The following MSN variants were observed in gnomAD, a reference collection of about 807,000 sequenced individuals.
MSN encodes moesin.
Under a neutral mutation model 48.0 loss-of-function variants are expected in MSN, and 2 were observed. The ratio of observed to expected loss-of-function variants is 0.04; its 90% CI spans 0.02 to 0.13. MSN has a LOEUF of 0.13. Among genes scored for constraint, MSN ranks in the 10% least tolerant of loss-of-function variants. The pLI is 1.00. For synonymous variants in MSN, 146 were observed against 166.9 expected, an observed-to-expected ratio of 0.87 and a Z score of 0.97; for missense variants, 267 against 470.1, an observed-to-expected ratio of 0.57 and a Z score of 3.99.
chrX:65,589,895 C>T (rs1479525810), intron 1 of MSN: 3 of 105,163 alleles, frequency 2.9e-5, no homozygotes, highest in Admixed American at 1.0e-4. Flanking sequence ...GATGGAATTT[C>T]GCTCTTGTTG....
chrX:65,712,064 G>A (rs1395250518), intron 1 of MSN, among the ~76,000 whole-genome samples: 2 of 111,151 alleles, frequency 1.8e-5, no homozygotes, highest in Non-Finnish European at 3.8e-5. Flanking sequence ...GGTGATTTGA[G>A]GCTGGATATA....
chrX:65,674,326 A>C (rs2070974476), intron 1 of MSN, among the ~76,000 whole-genome samples: 1 of 111,410 alleles, frequency 9.0e-6, no homozygotes, highest in Admixed American at 9.5e-5. Context: ...TGAAAGGAGA[A>C]CTTGGATTTC....
chrX:65,614,273 G>A (rs1470842450), intron 1 of MSN, among the ~76,000 whole-genome samples: 2 of 111,794 alleles, frequency 1.8e-5, no homozygotes, highest in Non-Finnish European at 3.8e-5. Flanking sequence ...GGTTACTGTA[G>A]CCTGGTATTA....
intron 1 of MSN, among the ~76,000 whole-genome samples, chrX:65,654,201 G>A (rs2070764873): frequency 9.4e-6 from 1 of 106,051 alleles, no homozygotes; most frequent in African/African-American, 3.5e-5. Flanking sequence ...CGCCTCCCGG[G>A]CTCACACCAT....
intron 1 of MSN, among the ~76,000 whole-genome samples, chrX:65,633,517 A>G (rs1029102218): frequency 8.9e-6 from 1 of 112,311 alleles, no homozygotes; most frequent in African/African-American, 3.2e-5. Flanking sequence ...TCTTTAATTC[A>G]CTGCCCCAGT....
chrX:65,721,556 C>T (rs1273114856), intron 2 of MSN, among the ~76,000 whole-genome samples: 1 of 104,346 alleles, frequency 9.6e-6, no homozygotes, highest in Non-Finnish European at 2.0e-5. Flanking sequence ...GACAGTAAAC[C>T]TTTTTTTTTT....
chrX:65,612,434 T>C (rs2070328052), intron 1 of MSN, among the ~76,000 whole-genome samples: 1 of 111,910 alleles, frequency 8.9e-6, no homozygotes, highest in African/African-American at 3.2e-5. Context: ...AGGTTATTCA[T>C]CTTTTTGTTG....
At chrX:65,736,645 C>A (rs1326782667) in intron 8 of MSN, 150 bp from the exon 9 acceptor site, 4 of 564,312 alleles carry the variant, frequency 7.1e-6, no homozygotes, top group Non-Finnish European at 1.1e-5. Flanking sequence ...ACTGTGTTAG[C>A]CAGGATGGTC....
intron 1 of MSN, among the ~76,000 whole-genome samples, chrX:65,614,387 G>A (rs765520978): frequency 5.4e-5 from 6 of 110,262 alleles, no homozygotes; most frequent in Non-Finnish European, 1.1e-4. Flanking sequence ...ATTTAAAGTA[G>A]TTTTTTTTCT....
chrX:65,618,415 G>A (rs1369462760), intron 1 of MSN, among the ~76,000 whole-genome samples: 1 of 111,168 alleles, frequency 9.0e-6, no homozygotes, highest in African/African-American at 3.3e-5. Flanking sequence ...TATATATTTA[G>A]GATAGTTAGC....
At chrX:65,590,783 A>AT (rs1281286641) in intron 1 of MSN, among the ~76,000 whole-genome samples, 1 of 109,626 alleles carries the variant, frequency 9.1e-6, no homozygotes, top group East Asian at 2.9e-4. Flanking sequence ...CAACTTCACT[A>AT]CTATGGAACA....
At chrX:65,719,783 A>G (rs896503692) in intron 2 of MSN, among the ~76,000 whole-genome samples, 1 of 111,388 alleles carries the variant, frequency 9.0e-6, no homozygotes, top group Non-Finnish European at 1.9e-5. Flanking sequence ...TACCCTCAAC[A>G]CTGGGGGCTT....
intron 1 of MSN, among the ~76,000 whole-genome samples, chrX:65,695,382 C>T (rs1176083775): frequency 9.2e-6 from 1 of 109,009 alleles, no homozygotes; most frequent in Non-Finnish European, 1.9e-5. Flanking sequence ...TGCCTGTGAT[C>T]CCAGCTACTT....
At chrX:65,695,332 C>G (rs2071223181) in intron 1 of MSN, among the ~76,000 whole-genome samples, 1 of 109,307 alleles carries the variant, frequency 9.1e-6, no homozygotes, top group Non-Finnish European at 1.9e-5. Flanking sequence ...GAAACCCCGT[C>G]TCTACTAAAA....
At chrX:65,599,325 A>G (rs1369532301) in intron 1 of MSN, among the ~76,000 whole-genome samples, 2 of 110,605 alleles carry the variant, frequency 1.8e-5, no homozygotes, top group African/African-American at 6.6e-5. Flanking sequence ...TCAAAGATGC[A>G]CTTATTCTTT....
intron 1 of MSN, among the ~76,000 whole-genome samples, chrX:65,637,516 C>G (rs1218109545): frequency 7.2e-5 from 8 of 111,125 alleles, no homozygotes; most frequent in African/African-American, 2.6e-4. Flanking sequence ...TAATCTCCTA[C>G]TATTCTCTGT....
intron 2 of MSN, among the ~76,000 whole-genome samples, chrX:65,725,178 C>T (rs2071556120): frequency 8.9e-6 from 1 of 111,781 alleles, no homozygotes; most frequent in Non-Finnish European, 1.9e-5. Context: ...ACAGGGGTCC[C>T]CATGACTGAA....
intron 6 of MSN, among the ~76,000 whole-genome samples, chrX:65,732,796 G>A (rs1473512105): frequency 8.9e-6 from 1 of 112,216 alleles, no homozygotes; most frequent in Non-Finnish European, 1.9e-5. Context: ...AAACAAACTT[G>A]AGACAAGGAA....
rs11796300 is a variant in MSN, at chrX:65,626,639, A to G, written c.-22+38027A>G. ...AAACAAAAACAAACAATAAACAACA[A>G]CAACAACAGAAAAGCAAACTCTTCC... On this transcript the variant is annotated intron_variant, in intron 1 of 3. Coordinates refer to the MSN transcript ENST00000609672. Among the ~76,000 whole-genome samples the G allele has an allele frequency of 7.1e-4, 79 of 111,312 alleles. No homozygotes were observed. The South Asian group carries it at 0.013, about 19-fold the overall frequency.
Sources: gnomAD v4.1 joint callset for allele counts (sites outside exome capture counted in the v4.1 genomes callset) on GRCh38, gnomAD v4.1.1 for gene constraint, MANE v1.5 for transcripts, NCBI Gene and HGNC (gene_info 2026-07-23, HGNC 2026-07-21) for gene names.